Variants in CADM1 observed in about 807,000 individuals in gnomAD.
CADM1 encodes TSLC-1.
Under a neutral mutation model 53.1 loss-of-function variants are expected in CADM1, and 15 were observed. That is an observed-to-expected ratio of 0.28 (90% CI 0.19 to 0.44). The LOEUF (loss-of-function observed/expected upper bound fraction) is 0.44, where lower values mean the gene tolerates loss of function less well. Ranked by LOEUF, CADM1 falls within the 20% of genes least tolerant of loss-of-function variation. The pLI is 1.00. For missense variants in CADM1, 434 were observed against 611.3 expected (o/e 0.71, Z 3.06); for synonymous variants, 281 against 243.0 (o/e 1.16, Z -1.45).
rs115452061 is a variant in CADM1, at chr11:115,404,660, G to A, written c.124+99611C>T. ...ATACTTAATTGCATATAACCCGCAAGGATTAGTATTCAGAACATAAAGAAT... is the reference window on the plus strand; with the variant it reads ...ATACTTAATTGCATATAACCCGCAAAGATTAGTATTCAGAACATAAAGAAT... On this transcript the variant is annotated intron_variant, in intron 1 of 11. Coordinates refer to ENST00000331581, the MANE Select transcript of CADM1 (RefSeq NM_001301043.2). Among the ~76,000 whole-genome samples, 516 of 149,914 alleles carry A rather than the reference G, an allele frequency of 3.4e-3. 2 individuals are homozygous for A. The highest frequency in any genetic ancestry group is 0.012 in the African/African-American group (506 of 41,020).
intron 1 of CADM1, among the ~76,000 whole-genome samples, chr11:115,308,274 T>C (rs1944441597): frequency 6.6e-6 from 1 of 150,708 alleles, no homozygotes; most frequent in East Asian, 2.0e-4. Flanking sequence ...CAACAGAATA[T>C]TTCAGTACTC....
At chr11:115,293,551 C>G (rs1001497270) in intron 1 of CADM1, among the ~76,000 whole-genome samples, 1 of 152,194 alleles carries the variant, frequency 6.6e-6, no homozygotes, top group African/African-American at 2.4e-5. Context: ...AAAAACCCAA[C>G]TTGTAATTAA....
intron 3 of CADM1, among the ~76,000 whole-genome samples, chr11:115,238,284 TG>T (rs1290088258): frequency 2.0e-5 from 3 of 152,236 alleles, no homozygotes; most frequent in African/African-American, 7.2e-5. Flanking sequence ...GCTTGAGGGT[TG>T]AAACCCAAGA....
chr11:115,483,213 G>C (rs866297410), intron 1 of CADM1, among the ~76,000 whole-genome samples: 7 of 152,180 alleles, frequency 4.6e-5, no homozygotes, highest in African/African-American at 1.7e-4. Context: ...GAACGTTTAA[G>C]AACTTTAAAT....
chr11:115,299,479 A>G (rs185005912), intron 1 of CADM1, among the ~76,000 whole-genome samples: 2 of 152,256 alleles, frequency 1.3e-5, no homozygotes, highest in East Asian at 3.9e-4. Flanking sequence ...AATAAATTCT[A>G]GAAATAACAG....
At chr11:115,325,815 G>A (rs768792959) in intron 1 of CADM1, among the ~76,000 whole-genome samples, 4 of 152,148 alleles carry the variant, frequency 2.6e-5, no homozygotes, top group Non-Finnish European at 5.9e-5. Context: ...CAGCTTAGGA[G>A]AGGTAAACCT....
chr11:115,399,375 T>G (rs1369806545), intron 1 of CADM1: 1 of 152,112 alleles, frequency 6.6e-6, no homozygotes, highest in East Asian at 1.9e-4. Flanking sequence ...GTCAAGCCAA[T>G]CCCCTGGCCC....
intron 1 of CADM1, among the ~76,000 whole-genome samples, chr11:115,431,417 C>A (rs1161880085): frequency 1.3e-5 from 2 of 152,128 alleles, no homozygotes; most frequent in Non-Finnish European, 2.9e-5. Flanking sequence ...TACCTCTTGT[C>A]CAGACAGTAG....
intron 1 of CADM1, among the ~76,000 whole-genome samples, chr11:115,483,171 T>C (rs570455236): frequency 6.6e-6 from 1 of 152,274 alleles, no homozygotes; most frequent in East Asian, 1.9e-4. Context: ...AAATTATACG[T>C]TCAGTATAAA....
intron 5 of CADM1, 135 bp from the exon 6 acceptor site, chr11:115,218,126 AT>A (rs1481688582): frequency 2.9e-6 from 2 of 691,108 alleles, no homozygotes; most frequent in East Asian, 5.5e-5. Flanking sequence ...CACCCTTCTA[AT>A]TAGTTGGTAA....
intron 1 of CADM1, among the ~76,000 whole-genome samples, chr11:115,351,869 A>G (rs11215511): frequency 0.32 from 48,981 of 152,142 alleles, 9,007 homozygotes; most frequent in Non-Finnish European, 0.43. Flanking sequence ...CAAGACAAAG[A>G]TGAGGAGGAA....
chr11:115,414,565 A>G (rs1035683718), intron 1 of CADM1, among the ~76,000 whole-genome samples: 1 of 152,248 alleles, frequency 6.6e-6, no homozygotes, highest in African/African-American at 2.4e-5. Flanking sequence ...ATTTGGTAAA[A>G]TCAATGAAAG....
chr11:115,282,154 A>C (rs1321575638), intron 1 of CADM1, among the ~76,000 whole-genome samples: 2 of 152,248 alleles, frequency 1.3e-5, no homozygotes, highest in African/African-American at 4.8e-5. Context: ...ACCAAGTACT[A>C]TGGTGATGTC....
chr11:115,197,214 G>A lies in CADM1; in HGVS notation c.1111+1192C>T, dbSNP rs569026490. Among the ~76,000 whole-genome samples the A allele has an allele frequency of 7.7e-4, 117 of 152,322 alleles. 1 individual carries two copies. Among genetic ancestry groups the A allele is most frequent in the African/African-American group, 2.7e-3 (111 of 41,580 alleles). ...CTGACCTTCAAGGACAGCTCCTACA[G>A]AGCTCAGAGATTTTCCAACTGGTGA... On this transcript the variant is annotated intron_variant, in intron 9 of 11. Coordinates refer to ENST00000331581, the MANE Select transcript of CADM1 (RefSeq NM_001301043.2).
At chr11:115,400,894 C>A (rs1328134526) in intron 1 of CADM1, among the ~76,000 whole-genome samples, 4 of 151,360 alleles carry the variant, frequency 2.6e-5, no homozygotes, top group Non-Finnish European at 1.5e-5. Context: ...TTACTGCTGG[C>A]AGGAAGGCAA....
chr11:115,325,588 A>G (rs190378833), intron 1 of CADM1, among the ~76,000 whole-genome samples: 107 of 152,306 alleles, frequency 7.0e-4, no homozygotes, highest in African/African-American at 2.4e-3. Context: ...ACTCGGCACA[A>G]TTACATAAGA....
chr11:115,375,871 T>C (rs1946425246), intron 1 of CADM1, among the ~76,000 whole-genome samples: 2 of 152,284 alleles, frequency 1.3e-5, no homozygotes, highest in Non-Finnish European at 2.9e-5. Context: ...CAACTTACAA[T>C]ATTAAATTCA....
At chr11:115,198,470 G>C in intron 8 of CADM1, 32 bp from the exon 9 acceptor site, 1 of 1,582,802 alleles carries the variant, frequency 6.3e-7, no homozygotes, top group Non-Finnish European at 8.6e-7. Context: ...TGGAGGAAGG[G>C]AAGAAACAGG....
At chr11:115,254,783 C>A (rs1268734460) in intron 1 of CADM1, among the ~76,000 whole-genome samples, 1 of 152,028 alleles carries the variant, frequency 6.6e-6, no homozygotes, top group African/African-American at 2.4e-5. Flanking sequence ...TGAATAGAGA[C>A]AAGAAGGAAC....
Sources: allele counts gnomAD v4.1 joint callset (sites outside exome capture counted in the v4.1 genomes callset), GRCh38; gene constraint gnomAD v4.1.1; transcripts MANE v1.5; gene names NCBI Gene and HGNC (gene_info 2026-07-23, HGNC 2026-07-21).